L3HYPDH: variants seen among roughly 807,000 people sequenced by gnomAD.
L3HYPDH encodes trans-L-3-hydroxyproline dehydratase.
A neutral mutation model predicts 26.5 loss-of-function variants in L3HYPDH; 32 were observed. The ratio of observed to expected loss-of-function variants is 1.21; its 90% CI spans 0.91 to 1.62. The LOEUF is 1.62. Among genes scored for constraint, L3HYPDH ranks in the 40% most tolerant of loss-of-function variants. L3HYPDH has a pLI of 0.00. For synonymous variants in L3HYPDH, 215 were observed against 196.6 expected, an observed-to-expected ratio of 1.09 and a Z score of -0.78; for missense variants, 554 against 476.4, an observed-to-expected ratio of 1.16 and a Z score of -1.52.
chr14:59,498,223 A>G, the L3HYPDH span, among the ~76,000 whole-genome samples: 18 of 152,330 alleles, frequency 1.2e-4, no homozygotes, highest in African/African-American at 4.3e-4. Flanking sequence ...ATGACATGCT[A>G]TCTTGTAAGT....
the L3HYPDH span, among the ~76,000 whole-genome samples, chr14:59,499,778 T>C: frequency 1.3e-5 from 2 of 152,244 alleles, no homozygotes; most frequent in South Asian, 4.1e-4. Context: ...AACCAGAAAT[T>C]CTGTTATCCG....
rs1188497507 is a variant in L3HYPDH, at chr14:59,472,753, G to C, written c.*212C>G. The C allele has an allele frequency of 7.8e-6, 3 of 386,638 alleles. No individual in the cohort carries two copies. In the East Asian group the frequency reaches 1.2e-4, roughly 15 times the overall value. 24.0% of individuals were successfully genotyped at this position (386,638 alleles called of 1,614,324 possible). A position where few individuals can be genotyped will look rare whatever the true frequency, so the allele number is the denominator to read the frequency against. ...ACTAGAAAAAGACTCTGAATTTCTG[G>C]CATTTTGTATGCTAGACATAAGTGA... On this transcript the variant is annotated 3_prime_UTR_variant, in exon 5 of 5. Transcript: ENST00000247194.
upstream of L3HYPDH, chr14:59,484,699 C>T (rs2139845535): frequency 7.3e-7 from 1 of 1,376,084 alleles, no homozygotes; most frequent in East Asian, 2.5e-5. Context: ...CGGTTGGCGG[C>T]GCAGGCTCGC....
intron 1 of L3HYPDH, among the ~76,000 whole-genome samples, chr14:59,482,596 C>G (rs919763946): frequency 1.5e-4 from 23 of 152,300 alleles, no homozygotes; most frequent in African/African-American, 4.6e-4. Flanking sequence ...TAAATTCTGT[C>G]TCCCTCAAGT....
At chr14:59,470,957 G>C (rs537347791), downstream of L3HYPDH, among the ~76,000 whole-genome samples, 10 of 23,310 alleles carry the variant, frequency 4.3e-4, 1 homozygote, top group South Asian at 1.8e-3. Context: ...GCTGGGGGCG[G>C]GGGGGGGGGG....
the L3HYPDH span, among the ~76,000 whole-genome samples, chr14:59,502,656 A>G: frequency 6.6e-5 from 10 of 152,164 alleles, no homozygotes; most frequent in Admixed American, 5.9e-4. Context: ...ATAATTAAAG[A>G]AGATAGGAAA....
At chr14:59,494,476 C>T in the L3HYPDH span, among the ~76,000 whole-genome samples, 1 of 152,238 alleles carries the variant, frequency 6.6e-6, no homozygotes, top group Non-Finnish European at 1.5e-5. Context: ...AGTGTGATAT[C>T]ATTCAAAAAT....
upstream of L3HYPDH, chr14:59,485,320 T>C (rs969630947): frequency 4.1e-5 from 20 of 488,884 alleles, no homozygotes; most frequent in African/African-American, 6.0e-5. Context: ...ATTTAGAACA[T>C]TGTGATTACA....
chr14:59,487,711 A>G, upstream of L3HYPDH: 1 of 1,613,306 alleles, frequency 6.2e-7, no homozygotes, highest in Non-Finnish European at 8.5e-7. Flanking sequence ...GCACAGAAAT[A>G]TTGTCAGCCT....
At chr14:59,473,157 G>A (rs1177268343) in intron 4 of L3HYPDH, 67 bp from the exon 5 acceptor site, 5 of 1,428,814 alleles carry the variant, frequency 3.5e-6, no homozygotes, top group Non-Finnish European at 4.7e-6. Context: ...CTTGAAAACT[G>A]TACTCTTGAC....
chr14:59,495,267 T>C, the L3HYPDH span: 1 of 1,402,896 alleles, frequency 7.1e-7, no homozygotes, highest in Non-Finnish European at 1.0e-6. Flanking sequence ...TTTTTTTAAA[T>C]CTCTGAGGAT....
At chr14:59,496,085 G>A in the L3HYPDH span, among the ~76,000 whole-genome samples, 1 of 152,092 alleles carries the variant, frequency 6.6e-6, no homozygotes, top group East Asian at 1.9e-4. Context: ...TGTATTTTTA[G>A]TAGAGAGACG....
chr14:59,471,899 C>T (rs1038458139), downstream of L3HYPDH, among the ~76,000 whole-genome samples: 4 of 152,044 alleles, frequency 2.6e-5, no homozygotes, highest in African/African-American at 9.7e-5. Context: ...GAGTGAAAAA[C>T]ATCCTGTTTT....
the L3HYPDH span, among the ~76,000 whole-genome samples, chr14:59,493,969 G>C: frequency 6.6e-6 from 1 of 152,158 alleles, no homozygotes; most frequent in Non-Finnish European, 1.5e-5. Context: ...AGGAGTACCT[G>C]TTCAGTAAAA....
chr14:59,496,185 C>T, the L3HYPDH span, among the ~76,000 whole-genome samples: 1 of 152,006 alleles, frequency 6.6e-6, no homozygotes, highest in East Asian at 1.9e-4. Flanking sequence ...GGATTACAGG[C>T]GTGAGCCACT....
Position 59,484,156 on chromosome 14 carries a change from A to G in L3HYPDH, c.161T>C (p.Met54Thr). ...CCGCACGTGGTCAAGGTGCTGGCGC[A>G]TGTAGCGCCGCTTGGCCAGCAGGGT... ...GPTLLAKRRY[M>T]RQHLDHVRRR... The change falls in exon 1 of 5, where the codon ATG (methionine) becomes ACG (threonine). Residue 54 changes from methionine to threonine, a missense_variant. Coordinates refer to ENST00000247194, the MANE Select transcript of L3HYPDH (RefSeq NM_144581.2). 1 of 1,600,934 alleles carries G rather than the reference A, an allele frequency of 6.2e-7. No homozygotes were observed. The highest frequency in any genetic ancestry group is 1.1e-5 in the South Asian group (1 of 90,932).
Position 59,475,957 on chromosome 14 carries a change from T to C in L3HYPDH, c.851A>G (p.Gln284Arg). Residue 284 changes from glutamine to arginine, a missense_variant, in exon 4 of 5, where the codon CAG becomes CGG. Gln to Arg is a conservative substitution (Grantham distance 43). Coordinates refer to ENST00000247194, the MANE Select transcript of L3HYPDH (RefSeq NM_144581.2). ...GSGVTARIAL[Q>R]YHKGLLELNQ... ...CAGTTCCAGAAGCCCTTTGTGATAC[T>C]GTAAGGCAATTCGGGCTGTCACTCC... 1.2e-6 allele frequency: 2 copies of C among 1,614,024 alleles called. No individual in the cohort carries two copies. Among genetic ancestry groups the C allele is most frequent in the African/African-American group, 1.3e-5 (1 of 75,052 alleles).
chr14:59,495,277 T>C, the L3HYPDH span: 1 of 1,359,966 alleles, frequency 7.4e-7, no homozygotes, highest in Non-Finnish European at 1.0e-6. Flanking sequence ...TCTCTGAGGA[T>C]TATTATAGAT....
chr14:59,495,926 G>A, the L3HYPDH span, among the ~76,000 whole-genome samples: 2 of 152,180 alleles, frequency 1.3e-5, no homozygotes, highest in Non-Finnish European at 2.9e-5. Flanking sequence ...TTTTGAGACA[G>A]AGTCTCGTTC....
Sources: gnomAD v4.1 joint callset for allele counts (sites outside exome capture counted in the v4.1 genomes callset) on GRCh38, gnomAD v4.1.1 for gene constraint, MANE v1.5 for transcripts, NCBI Gene and HGNC (gene_info 2026-07-23, HGNC 2026-07-21) for gene names.